Variants in FGGY observed in about 807,000 individuals in gnomAD.
The protein encoded by FGGY is FGGY carbohydrate kinase domain containing.
Under a neutral mutation model 71.3 loss-of-function variants are expected in FGGY, and 72 were observed. The observed-to-expected ratio is 1.01, with a 90% CI of 0.84 to 1.23. The LOEUF (loss-of-function observed/expected upper bound fraction) is 1.23. FGGY is among the 50% of genes most tolerant of loss of function. The pLI, the probability that FGGY is intolerant of heterozygous loss-of-function variation, is 0.00. For missense variants in FGGY, 668 were observed against 682.3 expected (o/e 0.98, Z 0.23); for synonymous variants, 251 against 250.3 (o/e 1.00, Z -0.02).
intron 7 of FGGY, among the ~76,000 whole-genome samples, chr1:59,512,922 T>C (rs56361549): frequency 0.06 from 9,067 of 152,282 alleles, 356 homozygotes; most frequent in East Asian, 0.13. Context: ...TGTTCATTCA[T>C]AAAACACCCG....
rs957982164 is a variant in FGGY at position 59,698,864 on chromosome 1, A to C, written c.1512+24731A>C. The C allele has an allele frequency of 3.0e-6, 3 of 985,316 alleles. No homozygotes were observed. In the African/African-American group the frequency reaches 5.2e-5, roughly 17 times the overall value. The allele number at this position is 985,316 out of a possible 1,614,324, so 61.0% of individuals were successfully genotyped here. On this transcript the variant is annotated intron_variant, in intron 14 of 15. Transcript: ENST00000303721. The stretch of plus-strand genomic sequence containing the variant: ...AAGAGAACAGAGAACCTTAAATAAT[A>C]ATGAAACTGAATTGTACATGTCGTA...
intron 7 of FGGY, among the ~76,000 whole-genome samples, chr1:59,524,555 T>TA (rs1010772385): frequency 2.2e-4 from 33 of 152,236 alleles, no homozygotes; most frequent in East Asian, 1.2e-3. Context: ...TCTGAGCCCG[T>TA]AAAAATCCCT....
At chr1:59,559,001 G>A (rs2095741173) in intron 8 of FGGY, among the ~76,000 whole-genome samples, 1 of 152,146 alleles carries the variant, frequency 6.6e-6, no homozygotes, top group South Asian at 2.1e-4. Flanking sequence ...CCTTATGGTT[G>A]TCTTCCTATG....
intron 13 of FGGY, 47 bp from the exon 14 acceptor site, chr1:59,673,992 T>C: frequency 1.3e-6 from 2 of 1,566,312 alleles, no homozygotes; most frequent in Non-Finnish European, 1.7e-6. Context: ...CTCCTCACAC[T>C]CCCCTGGCTC....
chr1:59,698,886 C>T (rs1473109873), intron 14 of FGGY: 2 of 985,382 alleles, frequency 2.0e-6, no homozygotes, highest in East Asian at 1.1e-4. Flanking sequence ...TTGTACATGT[C>T]GTATGTTTTA....
chr1:59,599,027 T>C (rs2096550103), intron 8 of FGGY, among the ~76,000 whole-genome samples: 1 of 152,224 alleles, frequency 6.6e-6, no homozygotes, highest in South Asian at 2.1e-4. Context: ...CCCAGCATTG[T>C]GGTAGAAGTC....
At chr1:59,467,644 C>T (rs2092712029) in intron 6 of FGGY, among the ~76,000 whole-genome samples, 2 of 152,006 alleles carry the variant, frequency 1.3e-5, no homozygotes, top group South Asian at 4.1e-4. Flanking sequence ...ACTGCCTCTA[C>T]TTCCTATGAT....
intron 2 of FGGY, among the ~76,000 whole-genome samples, chr1:59,337,183 C>T (rs1035432106): frequency 6.6e-6 from 1 of 151,730 alleles, no homozygotes; most frequent in Non-Finnish European, 1.5e-5. Context: ...AGTCCAAAAG[C>T]CTTGAAACCA....
chr1:59,521,760 G>A (rs976858536), intron 7 of FGGY, among the ~76,000 whole-genome samples: 1 of 152,112 alleles, frequency 6.6e-6, no homozygotes, highest in Non-Finnish European at 1.5e-5. Flanking sequence ...CAGGGTCCCC[G>A]CCCCATTGTA....
At chr1:59,624,832 T>A (rs981174984) in intron 9 of FGGY, among the ~76,000 whole-genome samples, 2 of 152,106 alleles carry the variant, frequency 1.3e-5, no homozygotes, top group African/African-American at 4.8e-5. Context: ...TTTATGGGAG[T>A]TACAATTCAA....
At chr1:59,551,440 C>T (rs1571152746) in intron 7 of FGGY, among the ~76,000 whole-genome samples, 1 of 152,144 alleles carries the variant, frequency 6.6e-6, no homozygotes, top group East Asian at 1.9e-4. Flanking sequence ...TTTATGCAAC[C>T]AGTAAATGTG....
chr1:59,548,406 C>T (rs2095558608), intron 7 of FGGY, among the ~76,000 whole-genome samples: 1 of 152,130 alleles, frequency 6.6e-6, no homozygotes, highest in African/African-American at 2.4e-5. Context: ...GTGTGTTCCA[C>T]CTAAATCTCA....
chr1:59,328,851 A>T (rs975251032), intron 2 of FGGY, among the ~76,000 whole-genome samples: 1 of 152,072 alleles, frequency 6.6e-6, no homozygotes, highest in African/African-American at 2.4e-5. Flanking sequence ...TAGTCTGTGG[A>T]GCAGTGAGAA....
At chr1:59,471,986 C>T (rs540795653) in intron 6 of FGGY, among the ~76,000 whole-genome samples, 1 of 152,334 alleles carries the variant, frequency 6.6e-6, no homozygotes, top group East Asian at 1.9e-4. Flanking sequence ...TCACAGCCCT[C>T]GCTCGCTCTC....
At position 59,346,492 on chromosome 1, in the gene FGGY, T is replaced by C. The variant is rs2051947797; in HGVS notation, c.465+94T>C. The C allele has an allele frequency of 2.1e-6, 3 of 1,407,330 alleles. No individual in the cohort carries two copies. The Admixed American group carries it at 6.8e-5, about 32-fold the overall frequency. The allele number at this position is 1,407,330 out of a possible 1,614,324, so 87.2% of individuals were successfully genotyped here. ...GTACCAGGCACCCTGCTAAAATCGG[T>C]TATGTTTGATTTTTCCCAGCAACTA... On this transcript the variant is annotated intron_variant, in intron 4 of 15. Transcript: ENST00000303721.
At chr1:59,580,282 C>T (rs1451400169) in intron 8 of FGGY, among the ~76,000 whole-genome samples, 1 of 152,128 alleles carries the variant, frequency 6.6e-6, no homozygotes, top group Non-Finnish European at 1.5e-5. Context: ...AAGTGCCTTG[C>T]ATGTAATAGA....
At chr1:59,535,609 G>T (rs1326729525) in intron 7 of FGGY, among the ~76,000 whole-genome samples, 1 of 151,554 alleles carries the variant, frequency 6.6e-6, no homozygotes, top group Admixed American at 6.6e-5. Context: ...AAATGTAAAA[G>T]AACAGAAATT....
At chr1:59,610,488 A>G (rs1204365057) in intron 9 of FGGY, among the ~76,000 whole-genome samples, 1 of 152,130 alleles carries the variant, frequency 6.6e-6, no homozygotes, top group Admixed American at 6.5e-5. Flanking sequence ...ACTGATGGGC[A>G]TTTGGGTCGG....
chr1:59,456,872 C>T (rs2091751423), intron 5 of FGGY, 89 bp from the exon 6 acceptor site: 2 of 777,482 alleles, frequency 2.6e-6, no homozygotes, highest in African/African-American at 1.7e-5. Context: ...TTTAATACCT[C>T]TGCAGATACC....
Sources: gnomAD v4.1 joint callset for allele counts (sites outside exome capture counted in the v4.1 genomes callset) on GRCh38, gnomAD v4.1.1 for gene constraint, MANE v1.5 for transcripts, NCBI Gene and HGNC (gene_info 2026-07-23, HGNC 2026-07-21) for gene names.